The following PHACTR1 variants were observed in gnomAD, a reference collection of about 807,000 sequenced individuals.
PHACTR1 encodes RPEL repeat containing 1.
In PHACTR1, 16 loss-of-function variants were observed where a neutral mutation model predicts 69.2. The observed-to-expected ratio is 0.23, with a 90% CI of 0.16 to 0.35. The LOEUF is 0.35. PHACTR1 is among the 10% of genes least tolerant of loss of function. The pLI is 1.00. For missense variants in PHACTR1, 510 were observed against 734.7 expected, an observed-to-expected ratio of 0.69 and a Z score of 3.54; for synonymous variants, 312 against 284.5, an observed-to-expected ratio of 1.10 and a Z score of -0.97.
chr6:12,906,257 A>T (rs767121188), intron 4 of PHACTR1, among the ~76,000 whole-genome samples: 3 of 152,180 alleles, frequency 2.0e-5, no homozygotes, highest in African/African-American at 4.8e-5. Flanking sequence ...TTTGGGAGGG[A>T]TATCAAAACA....
At chr6:12,989,111 T>C (rs1311067970) in intron 4 of PHACTR1, among the ~76,000 whole-genome samples, 2 of 152,234 alleles carry the variant, frequency 1.3e-5, no homozygotes, top group African/African-American at 4.8e-5. Flanking sequence ...CGTTGAATCC[T>C]ATACATGGTA....
chr6:12,849,388 C>T (rs929752627), intron 4 of PHACTR1, among the ~76,000 whole-genome samples: 3 of 152,072 alleles, frequency 2.0e-5, no homozygotes, highest in African/African-American at 4.8e-5. Context: ...TACCCTATGT[C>T]GGGGAATGTG....
rs368368056 is a variant in PHACTR1, at chr6:13,041,339, TACACACACAC to T, written c.251-11994_251-11985del. Among the ~76,000 whole-genome samples the T allele has an allele frequency of 3.0e-3, 411 of 135,468 alleles. 3 individuals carry two copies. The highest frequency in any genetic ancestry group is 6.5e-3 in the African/African-American group (237 of 36,436). 88.9% of individuals were successfully genotyped at this position (135,468 alleles called of 152,430 possible). ...AGCCACTGGTGGTAATTAAAATACA[TACACACACAC>T]ACACACACACACACACACACACACA... On this transcript the variant is annotated intron_variant, in intron 4 of 14. Coordinates refer to ENST00000332995, the MANE Select transcript of PHACTR1 (RefSeq NM_030948.6).
At chr6:12,952,410 C>T (rs1227946552) in intron 4 of PHACTR1, among the ~76,000 whole-genome samples, 15 of 152,204 alleles carry the variant, frequency 9.9e-5, no homozygotes, top group Admixed American at 9.8e-4. Flanking sequence ...TCCCCCAACC[C>T]CGATCTTTTC....
chr6:13,009,209 T>G (rs1408389396), intron 4 of PHACTR1, among the ~76,000 whole-genome samples: 1 of 152,184 alleles, frequency 6.6e-6, no homozygotes, highest in African/African-American at 2.4e-5. Flanking sequence ...ATCCTTAACT[T>G]AATTAAACCT....
rs527854449 is a variant in PHACTR1 at position 12,823,947 on chromosome 6, G to A, written c.250+74157G>A. Among the ~76,000 whole-genome samples the A allele has an allele frequency of 1.3e-5, 2 of 152,090 alleles. 1 individual carries two copies. The highest frequency in any genetic ancestry group is 1.3e-4 in the Admixed American group (2 of 15,278). Reference sequence around the variant, plus strand: ...CTTCCTTTAGAAGGAAAATTCTATTGCCTACCTCAGAGGTCCCCAACCCCC... The same window carrying A: ...CTTCCTTTAGAAGGAAAATTCTATTACCTACCTCAGAGGTCCCCAACCCCC... On this transcript the variant is annotated intron_variant, in intron 4 of 14. Coordinates refer to ENST00000332995, the MANE Select transcript of PHACTR1 (RefSeq NM_030948.6).
chr6:12,955,192 C>CTTTTTTTTTTTTTTTTTTTTTTTTTT lies in PHACTR1; in HGVS notation c.251-98153_251-98152insTTTTTTTTTTTTTTTTTTTTTTTTTT, dbSNP rs1161324144. On this transcript the variant is annotated intron_variant, in intron 4 of 14. Coordinates refer to ENST00000332995, the MANE Select transcript of PHACTR1 (RefSeq NM_030948.6). ...ATCTATGGCTCACATTGTATTTCCT[C>CTTTTTTTTTTTTTTTTTTTTTTTTTT]TTTTTTTTTTTTTTTTTTTTGAGAG... 2.9e-4 allele frequency among the ~76,000 whole-genome samples: 30 copies of CTTTTTTTTTTTTTTTTTTTTTTTTTT among 103,288 alleles called. 5 individuals carry two copies. The highest frequency in any genetic ancestry group is 1.4e-3 in the African/African-American group (28 of 19,524). 67.8% of individuals were successfully genotyped at this position (103,288 alleles called of 152,430 possible).
chr6:12,893,648 C>T (rs1202928608), intron 4 of PHACTR1, among the ~76,000 whole-genome samples: 1 of 151,346 alleles, frequency 6.6e-6, no homozygotes, highest in East Asian at 1.9e-4. Flanking sequence ...ATTCTGTCAG[C>T]CCCTCTTTTC....
chr6:12,877,576 AC>A (rs1782666819), intron 4 of PHACTR1, among the ~76,000 whole-genome samples: 1 of 151,686 alleles, frequency 6.6e-6, no homozygotes, highest in Non-Finnish European at 1.5e-5. Flanking sequence ...AGCCTGTTCC[AC>A]CCCCATCATC....
At chr6:12,812,700 G>A (rs538484646) in intron 4 of PHACTR1, among the ~76,000 whole-genome samples, 25 of 152,302 alleles carry the variant, frequency 1.6e-4, no homozygotes, top group African/African-American at 6.0e-4. Context: ...TGATACGTTA[G>A]TGATTCGAGC....
intron 6 of PHACTR1, among the ~76,000 whole-genome samples, chr6:13,162,466 A>G (rs1759184703): frequency 6.6e-6 from 1 of 151,986 alleles, no homozygotes. Flanking sequence ...GCTTCATCAT[A>G]AGCTCCTTTC....
chr6:12,941,699 G>A (rs1033100657), intron 4 of PHACTR1, among the ~76,000 whole-genome samples: 3 of 152,220 alleles, frequency 2.0e-5, no homozygotes, highest in Non-Finnish European at 2.9e-5. Flanking sequence ...CAGGACAGGC[G>A]AGCCTCGAAG....
intron 4 of PHACTR1, among the ~76,000 whole-genome samples, chr6:12,825,381 C>G (rs567486502): frequency 6.6e-6 from 1 of 151,948 alleles, no homozygotes; most frequent in African/African-American, 2.4e-5. Flanking sequence ...AATCTTAGCT[C>G]TTACTATTTC....
At chr6:12,764,688 G>A (rs1009337682) in intron 4 of PHACTR1, among the ~76,000 whole-genome samples, 24 of 152,256 alleles carry the variant, frequency 1.6e-4, no homozygotes, top group Middle Eastern at 3.4e-3. Flanking sequence ...AAGATTTAGA[G>A]GCTGTACAGT....
intron 5 of PHACTR1, among the ~76,000 whole-genome samples, chr6:13,091,645 A>G (rs545894738): frequency 2.0e-5 from 3 of 152,272 alleles, no homozygotes; most frequent in Non-Finnish European, 4.4e-5. Context: ...ACAACTCACC[A>G]TAATGTAGAA....
chr6:12,790,339 G>T (rs1019054326), intron 4 of PHACTR1, among the ~76,000 whole-genome samples: 2 of 152,078 alleles, frequency 1.3e-5, no homozygotes, highest in African/African-American at 4.8e-5. Flanking sequence ...TCTCCAGCAC[G>T]TCAGGGACAC....
intron 4 of PHACTR1, among the ~76,000 whole-genome samples, chr6:13,047,290 A>C (rs185733244): frequency 6.8e-6 from 1 of 147,342 alleles, no homozygotes; most frequent in Non-Finnish European, 1.5e-5. Flanking sequence ...AGGCATGAGA[A>C]TGGCTTGAAC....
chr6:13,107,249 T>C lies in PHACTR1; in HGVS notation c.416-52955T>C, dbSNP rs566961162. On this transcript the variant is annotated intron_variant, in intron 5 of 14. Transcript: ENST00000332995. ...CCTCAGTCTCCTGAGTAGCTGGGAT[T>C]ATAGGCACATGCAAGCATGCCTGGC... Among the ~76,000 whole-genome samples, 12 of 152,238 alleles carry C rather than the reference T, an allele frequency of 7.9e-5. No individual in the cohort carries two copies. In the South Asian group the frequency reaches 8.3e-4, roughly 11 times the overall value.
At chr6:12,778,591 A>C (rs965193327) in intron 4 of PHACTR1, among the ~76,000 whole-genome samples, 1 of 152,230 alleles carries the variant, frequency 6.6e-6, no homozygotes, top group African/African-American at 2.4e-5. Context: ...ATCAAAATAA[A>C]ATCATAAAGG....
Sources: gnomAD v4.1 joint callset for allele counts (sites outside exome capture counted in the v4.1 genomes callset) on GRCh38, gnomAD v4.1.1 for gene constraint, MANE v1.5 for transcripts, NCBI Gene and HGNC (gene_info 2026-07-23, HGNC 2026-07-21) for gene names.